Variants in ARSB observed in about 807,000 individuals in gnomAD.
The protein encoded by ARSB is N-acetylgalactosamine-4-sulfatase.
Under a neutral mutation model 50.9 loss-of-function variants are expected in ARSB, and 41 were observed. That is an observed-to-expected ratio of 0.81 (90% CI 0.63 to 1.04). ARSB has a LOEUF of 1.04. ARSB is among the 50% of genes least tolerant of loss of function. The pLI is 0.00. For missense variants in ARSB, 672 were observed against 693.3 expected, an observed-to-expected ratio of 0.97 and a Z score of 0.35; for synonymous variants, 269 against 284.8, an observed-to-expected ratio of 0.94 and a Z score of 0.56.
chr5:78,820,451 C>T (rs1744165010), intron 6 of ARSB, among the ~76,000 whole-genome samples: 1 of 152,022 alleles, frequency 6.6e-6, no homozygotes, highest in Non-Finnish European at 1.5e-5. Flanking sequence ...GTCCCACCTA[C>T]TCGGGAGGCT....
At chr5:78,787,130 C>CTATA (rs3035249) in intron 6 of ARSB, among the ~76,000 whole-genome samples, 3 of 150,376 alleles carry the variant, frequency 2.0e-5, no homozygotes, top group African/African-American at 7.4e-5. Flanking sequence ...ATCTATCTAT[C>CTATA]TATCTATATA....
At chr5:78,786,083 C>A (rs1023859034) in intron 6 of ARSB, among the ~76,000 whole-genome samples, 3 of 152,158 alleles carry the variant, frequency 2.0e-5, no homozygotes, top group African/African-American at 7.2e-5. Flanking sequence ...ATAACCATCA[C>A]TGTAACATAT....
chr5:78,831,451 A>C (rs1192915893), intron 6 of ARSB, among the ~76,000 whole-genome samples: 1 of 152,128 alleles, frequency 6.6e-6, no homozygotes, highest in African/African-American at 2.4e-5. Context: ...TGAATCTAGC[A>C]AGGCTAATGT....
At chr5:78,911,986 T>C (rs1391296652) in intron 4 of ARSB, among the ~76,000 whole-genome samples, 1 of 152,166 alleles carries the variant, frequency 6.6e-6, no homozygotes, top group Admixed American at 6.5e-5. Flanking sequence ...TTGGGGAGAA[T>C]CTAAAATAGA....
At chr5:78,955,186 A>T in intron 4 of ARSB, 109 bp downstream of exon 4, 1 of 1,085,644 alleles carries the variant, frequency 9.2e-7, no homozygotes, top group Non-Finnish European at 1.4e-6. Flanking sequence ...TGCAGTTTGC[A>T]TTTATTTTAA....
At chr5:78,936,058 T>C (rs937095584) in intron 4 of ARSB, among the ~76,000 whole-genome samples, 3 of 72,444 alleles carry the variant, frequency 4.1e-5, no homozygotes, top group Admixed American at 1.8e-4. Context: ...TCTCTTTCCC[T>C]CCCTCCCTCC....
intron 4 of ARSB, among the ~76,000 whole-genome samples, chr5:78,909,056 C>T (rs554618463): frequency 6.6e-6 from 1 of 152,298 alleles, no homozygotes; most frequent in African/African-American, 2.4e-5. Flanking sequence ...ACGGTATAGT[C>T]TCGAAAGGCA....
intron 3 of ARSB, among the ~76,000 whole-genome samples, chr5:78,957,773 T>C (rs337827): frequency 0.72 from 109,408 of 151,620 alleles, 40,532 homozygotes; most frequent in Non-Finnish European, 0.79. Context: ...ATGAAGGTCT[T>C]GGCTGCGATG....
At chr5:78,908,419 G>T (rs1749161095) in intron 4 of ARSB, among the ~76,000 whole-genome samples, 1 of 152,140 alleles carries the variant, frequency 6.6e-6, no homozygotes, top group South Asian at 2.1e-4. Context: ...TTAAGAAAAG[G>T]CTCAACAGGA....
chr5:78,947,904 T>C (rs1035109726), intron 4 of ARSB, among the ~76,000 whole-genome samples: 3 of 152,128 alleles, frequency 2.0e-5, no homozygotes, highest in South Asian at 4.1e-4. Flanking sequence ...AACAGATGCA[T>C]GGATAAAGAA....
At chr5:78,812,940 G>A (rs186527037) in intron 6 of ARSB, among the ~76,000 whole-genome samples, 279 of 152,318 alleles carry the variant, frequency 1.8e-3, no homozygotes, top group Admixed American at 4.6e-3. Flanking sequence ...GCAGTGAGCC[G>A]TGCTCACACC....
intron 5 of ARSB, among the ~76,000 whole-genome samples, chr5:78,848,362 A>G (rs1325905154): frequency 8.4e-6 from 1 of 118,588 alleles, no homozygotes; most frequent in Admixed American, 8.6e-5. Context: ...ATGATTTCCA[A>G]TTTCATCCAT....
At chr5:78,862,645 A>G (rs189234746) in intron 5 of ARSB, among the ~76,000 whole-genome samples, 1 of 152,298 alleles carries the variant, frequency 6.6e-6, no homozygotes, top group Non-Finnish European at 1.5e-5. Flanking sequence ...AACCATAGAA[A>G]CCCTAGAAGA....
chr5:78,985,074 C>T lies in ARSB; in HGVS notation c.175G>A (p.Asp59Asn), dbSNP rs1236509896. The stretch of plus-strand genomic sequence containing the variant: ...ATGCGGGAGCCGTGGAAGCCGACGT[C>T]GTTCCAGCCTAGGTCGTCTGCCAGC... ...FLLADDLGWN[D>N]VGFHGSRIRT... is the part of the protein sequence containing the mutation. Residue 59 changes from aspartate (D) to asparagine (N), a missense_variant, in exon 1 of 8, where the codon GAC becomes AAC. Asp to Asn is a conservative substitution (Grantham distance 23). Transcript: ENST00000264914. 1.3e-6 allele frequency: 2 copies of T among 1,543,948 alleles called. No individual in the cohort carries two copies. The highest frequency in any genetic ancestry group is 2.4e-5 in the South Asian group (2 of 83,560).
chr5:78,953,826 G>A (rs1422439470), intron 4 of ARSB, among the ~76,000 whole-genome samples: 3 of 151,932 alleles, frequency 2.0e-5, no homozygotes, highest in Non-Finnish European at 4.4e-5. Flanking sequence ...GATAATGTTG[G>A]CAATATCAGC....
At chr5:78,919,524 G>T (rs1288408374) in intron 4 of ARSB, among the ~76,000 whole-genome samples, 1 of 151,720 alleles carries the variant, frequency 6.6e-6, no homozygotes, top group Non-Finnish European at 1.5e-5. Context: ...AGGGAGTCTC[G>T]CTCTGTCACC....
At chr5:78,935,968 C>T (rs1750568335) in intron 4 of ARSB, among the ~76,000 whole-genome samples, 1 of 100,098 alleles carries the variant, frequency 1.0e-5, no homozygotes, top group Non-Finnish European at 2.1e-5. Context: ...TCTCTCCTTC[C>T]CTTCCTTCCT....
intron 5 of ARSB, among the ~76,000 whole-genome samples, chr5:78,854,733 G>T (rs536625650): frequency 6.6e-6 from 1 of 152,294 alleles, no homozygotes; most frequent in East Asian, 1.9e-4. Context: ...CCAGATACAG[G>T]ACTCCCTTGA....
intron 5 of ARSB, among the ~76,000 whole-genome samples, chr5:78,844,922 A>T (rs926969883): frequency 2.0e-5 from 3 of 152,236 alleles, no homozygotes; most frequent in Admixed American, 2.0e-4. Flanking sequence ...TCAAAAATAT[A>T]CAATAAATTG....
Sources: allele counts gnomAD v4.1 joint callset (sites outside exome capture counted in the v4.1 genomes callset), GRCh38; gene constraint gnomAD v4.1.1; transcripts MANE v1.5; gene names NCBI Gene and HGNC (gene_info 2026-07-23, HGNC 2026-07-21).